Variants in PHACTR4 observed in about 807,000 individuals in gnomAD.
PHACTR4 encodes protein phosphatase 1, regulatory subunit 124.
Under a neutral mutation model 72.7 loss-of-function variants are expected in PHACTR4, and 51 were observed. The observed-to-expected ratio is 0.70, with a 90% CI of 0.56 to 0.89. The LOEUF (loss-of-function observed/expected upper bound fraction) is 0.89. Ranked by LOEUF, PHACTR4 falls within the 40% of genes least tolerant of loss-of-function variation. The probability of loss-of-function intolerance (pLI) is 0.00; values close to 1 mark genes in which losing one functional copy is unlikely to be tolerated. For synonymous variants in PHACTR4, 255 were observed against 302.5 expected, an observed-to-expected ratio of 0.84 and a Z score of 1.63; for missense variants, 731 against 861.8, an observed-to-expected ratio of 0.85 and a Z score of 1.90.
intron 2 of PHACTR4, among the ~76,000 whole-genome samples, chr1:28,444,886 C>G (rs1657337480): frequency 6.6e-6 from 1 of 151,280 alleles, no homozygotes; most frequent in African/African-American, 2.4e-5. Flanking sequence ...CTCGGCATCC[C>G]AAAGTGCTGG....
chr1:28,403,171 G>T (rs1654059961), intron 1 of PHACTR4, among the ~76,000 whole-genome samples: 3 of 152,284 alleles, frequency 2.0e-5, no homozygotes, highest in South Asian at 2.1e-4. Context: ...TTATTAGGAA[G>T]TGCCCTTGGG....
intron 2 of PHACTR4, among the ~76,000 whole-genome samples, chr1:28,414,630 G>A (rs1021314832): frequency 6.6e-6 from 1 of 151,750 alleles, no homozygotes; most frequent in Non-Finnish European, 1.5e-5. Flanking sequence ...CTCCCACCTC[G>A]GCCTCCCCAA....
chr1:28,475,795 C>T (rs957360567), intron 7 of PHACTR4, among the ~76,000 whole-genome samples: 3 of 146,798 alleles, frequency 2.0e-5, no homozygotes, highest in Admixed American at 6.8e-5. Context: ...GGCACAATCT[C>T]GGTTCACTTC....
intron 4 of PHACTR4, among the ~76,000 whole-genome samples, chr1:28,464,983 T>G (rs538366277): frequency 6.6e-5 from 10 of 152,056 alleles, no homozygotes; most frequent in Non-Finnish European, 1.3e-4. Context: ...AGATTACAGG[T>G]GTGAGACACT....
chr1:28,472,370 T>A (rs924640368), intron 6 of PHACTR4, among the ~76,000 whole-genome samples: 2 of 152,206 alleles, frequency 1.3e-5, no homozygotes, highest in Admixed American at 1.3e-4. Flanking sequence ...CTATATTTTT[T>A]CCCCTGTCAC....
At chr1:28,433,195 T>C (rs975499552) in intron 2 of PHACTR4, 1 of 680,346 alleles carries the variant, frequency 1.5e-6, no homozygotes, top group Admixed American at 6.3e-5. Context: ...AGCTGTCTAC[T>C]TCTTACAAAG....
intron 13 of PHACTR4, 35 bp from the exon 14 acceptor site, chr1:28,496,499 A>G: frequency 1.9e-6 from 3 of 1,610,246 alleles, no homozygotes; most frequent in Non-Finnish European, 2.5e-6. Context: ...AATGTACATC[A>G]TGTGGTAACT....
chr1:28,481,002 G>A (rs899439526), intron 9 of PHACTR4, among the ~76,000 whole-genome samples: 1 of 151,280 alleles, frequency 6.6e-6, no homozygotes, highest in South Asian at 2.1e-4. Context: ...TGTTTACTTT[G>A]TTGTGGAGTA....
chr1:28,450,303 T>C (rs971420564), intron 2 of PHACTR4, among the ~76,000 whole-genome samples: 7 of 151,874 alleles, frequency 4.6e-5, no homozygotes, highest in African/African-American at 7.2e-5. Context: ...TTTTTTTTTT[T>C]CACTCATAGA....
intron 2 of PHACTR4, 63 bp downstream of exon 2, chr1:28,407,526 A>C: frequency 1.4e-6 from 2 of 1,450,834 alleles, no homozygotes; most frequent in South Asian, 1.2e-5. Flanking sequence ...CCTCCATTAA[A>C]GCTTTGAGAG....
At chr1:28,449,849 A>G (rs1028928063) in intron 2 of PHACTR4, among the ~76,000 whole-genome samples, 48 of 146,534 alleles carry the variant, frequency 3.3e-4, no homozygotes, top group African/African-American at 1.2e-3. Context: ...GACACTCTGT[A>G]TAAAAAAAAA....
chr1:28,447,063 T>TC (rs1159314484), intron 2 of PHACTR4, among the ~76,000 whole-genome samples: 1 of 151,562 alleles, frequency 6.6e-6, no homozygotes, highest in African/African-American at 2.4e-5. Context: ...CAGGCTGGAG[T>TC]CCAGTGGTGC....
intron 2 of PHACTR4, 39 bp downstream of exon 2, chr1:28,407,502 C>CTGT (rs1415670621): frequency 1.9e-6 from 3 of 1,557,540 alleles, no homozygotes; most frequent in Admixed American, 3.4e-5. Context: ...AATGACATTT[C>CTGT]TGTTTTATCC....
intron 12 of PHACTR4, 50 bp downstream of exon 12, chr1:28,491,837 T>C (rs779932622): frequency 6.3e-7 from 1 of 1,582,758 alleles, no homozygotes; most frequent in Non-Finnish European, 8.6e-7. Flanking sequence ...TTTTTCTCTT[T>C]ATTTGGAGGA....
At chr1:28,377,315 T>C (rs1173503272) in intron 1 of PHACTR4, among the ~76,000 whole-genome samples, 1 of 148,348 alleles carries the variant, frequency 6.7e-6, no homozygotes, top group Non-Finnish European at 1.5e-5. Context: ...CTCAGCACAC[T>C]GCAACCTCCG....
At chr1:28,370,599 A>G (rs1007976166) in intron 1 of PHACTR4, among the ~76,000 whole-genome samples, 1 of 125,778 alleles carries the variant, frequency 8.0e-6, no homozygotes, top group African/African-American at 3.6e-5. Flanking sequence ...ACAGGGCATC[A>G]CTGATTGCTT....
chr1:28,448,545 G>T (rs1657648725), intron 2 of PHACTR4, among the ~76,000 whole-genome samples: 1 of 145,812 alleles, frequency 6.9e-6, no homozygotes. Flanking sequence ...GAGGTCAGGA[G>T]ATCGAGACCA....
chr1:28,377,337 C>G (rs1452598599), intron 1 of PHACTR4, among the ~76,000 whole-genome samples: 2 of 150,890 alleles, frequency 1.3e-5, no homozygotes, highest in Non-Finnish European at 2.9e-5. Context: ...CTCCTGGGTT[C>G]AAGTGATTCT....
intron 6 of PHACTR4, among the ~76,000 whole-genome samples, chr1:28,472,545 C>T (rs754588795): frequency 2.0e-5 from 3 of 152,044 alleles, no homozygotes; most frequent in Non-Finnish European, 4.4e-5. Flanking sequence ...ACAATACCCA[C>T]TAATACTTAT....
Sources: allele counts gnomAD v4.1 joint callset (sites outside exome capture counted in the v4.1 genomes callset), GRCh38; gene constraint gnomAD v4.1.1; transcripts MANE v1.5; gene names NCBI Gene and HGNC (gene_info 2026-07-23, HGNC 2026-07-21).